Variants in KHDRBS2 observed in about 807,000 individuals in gnomAD.
KHDRBS2 encodes the protein KH domain-containing, RNA-binding, signal transduction-associated protein 2.
In KHDRBS2, 26 loss-of-function variants were observed where a neutral mutation model predicts 44.3. The ratio of observed to expected loss-of-function variants is 0.59; its 90% CI spans 0.43 to 0.81. The LOEUF (loss-of-function observed/expected upper bound fraction) is 0.81, where lower values mean the gene tolerates loss of function less well. Ranked by LOEUF, KHDRBS2 falls within the 40% of genes least tolerant of loss-of-function variation. The probability of loss-of-function intolerance (pLI) is 0.00; values close to 1 mark genes in which losing one functional copy is unlikely to be tolerated. For synonymous variants in KHDRBS2, 194 were observed against 151.1 expected, an observed-to-expected ratio of 1.28 and a Z score of -2.08; for missense variants, 476 against 433.1, an observed-to-expected ratio of 1.10 and a Z score of -0.88.
chr6:61,694,904 A>AGTTCT (rs1343844080), intron 8 of KHDRBS2, among the ~76,000 whole-genome samples: 2 of 152,178 alleles, frequency 1.3e-5, no homozygotes, highest in African/African-American at 4.8e-5. Context: ...TTTGGAAAAT[A>AGTTCT]GTTCTGTCTC....
Position 61,869,964 on chromosome 6 carries a change from G to GTTTTTTTTTT in KHDRBS2, c.810+24661_810+24670dup, listed in dbSNP as rs59518436. On this transcript the variant is annotated intron_variant, in intron 6 of 8. Transcript: ENST00000281156. ...TAGACACCGAACTAGCTGCAGGAGT[G>GTTTTTTTTTT]TTTTTTTTTTTTTTTTTTTTTTTCC... 4.6e-4 allele frequency among the ~76,000 whole-genome samples: 50 copies of GTTTTTTTTTT among 109,018 alleles called. 1 individual carries two copies. Among genetic ancestry groups the GTTTTTTTTTT allele is most frequent in the African/African-American group, 1.9e-3 (49 of 26,424 alleles). The allele number at this position is 109,018 out of a possible 152,430, so 71.5% of individuals were successfully genotyped here.
chr6:62,150,782 C>T (rs545512830), intron 2 of KHDRBS2, among the ~76,000 whole-genome samples: 2 of 152,268 alleles, frequency 1.3e-5, no homozygotes, highest in African/African-American at 2.4e-5. Flanking sequence ...TCACAGAAGG[C>T]TTTACATTCC....
chr6:61,766,166 G>A (rs1411115524), intron 6 of KHDRBS2, among the ~76,000 whole-genome samples: 1 of 151,506 alleles, frequency 6.6e-6, no homozygotes, highest in African/African-American at 2.4e-5. Context: ...CTGGTTATTG[G>A]TCTGGTCAAA....
chr6:62,053,286 A>G (rs1789491286), intron 2 of KHDRBS2, among the ~76,000 whole-genome samples: 1 of 151,964 alleles, frequency 6.6e-6, no homozygotes, highest in South Asian at 2.1e-4. Flanking sequence ...AGAACTCAGC[A>G]GGAGAATATA....
intron 2 of KHDRBS2, among the ~76,000 whole-genome samples, chr6:62,175,115 C>A (rs1820821148): frequency 6.6e-6 from 1 of 151,534 alleles, no homozygotes; most frequent in Admixed American, 6.6e-5. Context: ...TATTGTTGTA[C>A]TATAAAAACC....
At chr6:61,588,009 G>C in the KHDRBS2 span, among the ~76,000 whole-genome samples, 1 of 152,134 alleles carries the variant, frequency 6.6e-6, no homozygotes, top group Admixed American at 6.5e-5. Flanking sequence ...TCATTTAATT[G>C]ACAGATATTT....
At chr6:61,927,881 A>G (rs1227055415) in intron 4 of KHDRBS2, among the ~76,000 whole-genome samples, 1 of 152,166 alleles carries the variant, frequency 6.6e-6, no homozygotes, top group African/African-American at 2.4e-5. Context: ...TGTGATAGTT[A>G]TCTATCTACA....
At chr6:62,107,907 C>A (rs1803877333) in intron 2 of KHDRBS2, among the ~76,000 whole-genome samples, 1 of 152,106 alleles carries the variant, frequency 6.6e-6, no homozygotes, top group African/African-American at 2.4e-5. Flanking sequence ...AAAGCTGAAA[C>A]TGGATCCCTT....
intron 3 of KHDRBS2, among the ~76,000 whole-genome samples, chr6:61,996,767 C>T (rs1053078941): frequency 2.0e-5 from 3 of 151,900 alleles, no homozygotes; most frequent in Non-Finnish European, 2.9e-5. Context: ...AACATACACA[C>T]TCTCTTTTAC....
chr6:61,572,535 C>T, the KHDRBS2 span, among the ~76,000 whole-genome samples: 19 of 152,004 alleles, frequency 1.2e-4, no homozygotes, highest in African/African-American at 4.1e-4. Context: ...AACTACATAT[C>T]AATATCCCTG....
chr6:62,112,426 A>T (rs1200669546), intron 2 of KHDRBS2, among the ~76,000 whole-genome samples: 1 of 152,092 alleles, frequency 6.6e-6, no homozygotes, highest in Non-Finnish European at 1.5e-5. Context: ...TTAAAATATC[A>T]CAGTAGAGCA....
rs559525554 is a variant in KHDRBS2, at chr6:62,218,812, T to C, written c.92-41500A>G. Among the ~76,000 whole-genome samples the C allele has an allele frequency of 1.3e-4, 20 of 151,898 alleles. 1 individual carries two copies. Among genetic ancestry groups the C allele is most frequent in the Non-Finnish European group, 2.7e-4 (18 of 67,844 alleles). ...AACTGGATAAAGAAAATGAAGTATA[T>C]ATCCACAATGAAATACTGTTAAGCC... is the stretch of plus-strand genomic sequence containing the variant. On this transcript the variant is annotated intron_variant, in intron 1 of 8. Transcript: ENST00000281156.
At chr6:61,576,762 CA>C in the KHDRBS2 span, among the ~76,000 whole-genome samples, 1 of 152,108 alleles carries the variant, frequency 6.6e-6, no homozygotes, top group East Asian at 1.9e-4. Flanking sequence ...CGATAGGGAA[CA>C]AAGTCTAAAA....
chr6:61,888,889 C>T (rs1193226437), intron 6 of KHDRBS2, among the ~76,000 whole-genome samples: 5 of 151,990 alleles, frequency 3.3e-5, no homozygotes, highest in Admixed American at 6.6e-5. Flanking sequence ...GCCCAGATAG[C>T]ATTCCTGGCA....
At chr6:62,148,567 C>A (rs1814423819) in intron 2 of KHDRBS2, among the ~76,000 whole-genome samples, 1 of 151,942 alleles carries the variant, frequency 6.6e-6, no homozygotes, top group Admixed American at 6.6e-5. Context: ...TCACACAAAC[C>A]TGCCTCCAAT....
chr6:62,218,346 C>G (rs1456738203), intron 1 of KHDRBS2, among the ~76,000 whole-genome samples: 1 of 151,734 alleles, frequency 6.6e-6, no homozygotes, highest in Non-Finnish European at 1.5e-5. Context: ...ATATTATCAT[C>G]TTAGACATAT....
At chr6:61,605,004 A>G in the KHDRBS2 span, among the ~76,000 whole-genome samples, 3 of 152,032 alleles carry the variant, frequency 2.0e-5, no homozygotes, top group East Asian at 3.9e-4. Flanking sequence ...ACCATCCTCA[A>G]TCTTCAGAAA....
At chr6:62,065,357 A>G (rs551606077) in intron 2 of KHDRBS2, among the ~76,000 whole-genome samples, 13 of 151,856 alleles carry the variant, frequency 8.6e-5, no homozygotes, top group African/African-American at 3.1e-4. Flanking sequence ...GGCATTATTC[A>G]CAATAGCAAA....
intron 4 of KHDRBS2, among the ~76,000 whole-genome samples, chr6:61,949,455 C>T (rs1315226278): frequency 1.3e-5 from 2 of 152,012 alleles, no homozygotes; most frequent in Non-Finnish European, 2.9e-5. Context: ...TTATCTTCAG[C>T]TACAGGACAT....
Sources: allele counts gnomAD v4.1 joint callset (sites outside exome capture counted in the v4.1 genomes callset), GRCh38; gene constraint gnomAD v4.1.1; transcripts MANE v1.5; gene names NCBI Gene and HGNC (gene_info 2026-07-23, HGNC 2026-07-21).